The following AFF3 variants were observed in gnomAD, a reference collection of about 807,000 sequenced individuals.
AFF3 encodes AF4/FMR2 family member 3.
In AFF3, 32 loss-of-function variants were observed where a neutral mutation model predicts 129.7. The observed-to-expected ratio is 0.25, with a 90% CI of 0.19 to 0.33. The LOEUF is 0.33. Ranked by LOEUF, AFF3 falls within the 10% of genes least tolerant of loss-of-function variation. AFF3 has a pLI of 1.00. For missense variants in AFF3, 1,373 were observed against 1,592.0 expected, an observed-to-expected ratio of 0.86 and a Z score of 2.34; for synonymous variants, 644 against 635.4, an observed-to-expected ratio of 1.01 and a Z score of -0.20.
chr2:99,742,633 T>C (rs1355025538), intron 10 of AFF3, among the ~76,000 whole-genome samples: 1 of 152,108 alleles, frequency 6.6e-6, no homozygotes, highest in Non-Finnish European at 1.5e-5. Flanking sequence ...ATCAACAGAG[T>C]GGGATGAAAA....
At chr2:99,918,525 C>T (rs1227618156) in intron 7 of AFF3, among the ~76,000 whole-genome samples, 1 of 152,204 alleles carries the variant, frequency 6.6e-6, no homozygotes, top group Non-Finnish European at 1.5e-5. Context: ...GTTCTCCCGA[C>T]AGTGTTTGTA....
At chr2:100,092,712 T>C (rs1689960312) in intron 4 of AFF3, among the ~76,000 whole-genome samples, 1 of 151,928 alleles carries the variant, frequency 6.6e-6, no homozygotes, top group South Asian at 2.1e-4. Context: ...TTCCTTACAT[T>C]ATCGTACCTG....
chr2:99,667,635 C>T (rs1359861404), intron 12 of AFF3, among the ~76,000 whole-genome samples: 4 of 152,064 alleles, frequency 2.6e-5, no homozygotes, highest in Non-Finnish European at 5.9e-5. Context: ...AGAAAGAAGA[C>T]AAATGATGAG....
In AFF3 at chr2:100,008,750, A is replaced by T. The variant is rs988923108; in HGVS notation, c.174+62T>A. On this transcript the variant is annotated intron_variant, in intron 5 of 24. Transcript: ENST00000672756. ...TCGGCCAATTCTTTTAGTCAAGGCC[A>T]CCGTCACAGGGAGTGAGAGAAACAA... 1.1e-5 allele frequency: 18 copies of T among 1,571,638 alleles called. No homozygotes were observed. The African/African-American group carries it at 2.2e-4, about 19-fold the overall frequency.
intron 8 of AFF3, among the ~76,000 whole-genome samples, chr2:99,784,440 A>G (rs1412674940): frequency 6.6e-6 from 1 of 152,242 alleles, no homozygotes; most frequent in Non-Finnish European, 1.5e-5. Flanking sequence ...CAGCACAGAA[A>G]GGAGATGAAA....
chr2:100,096,069 A>C (rs1259725761), intron 4 of AFF3, among the ~76,000 whole-genome samples: 3 of 146,372 alleles, frequency 2.0e-5, no homozygotes, highest in Admixed American at 6.9e-5. Context: ...AGCTGACCCC[A>C]CCCCCAACAC....
intron 7 of AFF3, among the ~76,000 whole-genome samples, chr2:99,849,952 C>A (rs1690026950): frequency 6.6e-6 from 1 of 152,100 alleles, no homozygotes; most frequent in African/African-American, 2.4e-5. Context: ...GCTAAGGATT[C>A]ATAAGTGAAT....
At chr2:100,122,961 T>C (rs1265710221) in intron 2 of AFF3, among the ~76,000 whole-genome samples, 1 of 152,208 alleles carries the variant, frequency 6.6e-6, no homozygotes, top group Non-Finnish European at 1.5e-5. Flanking sequence ...AAAACGAATG[T>C]TTAATTTGGT....
intron 12 of AFF3, among the ~76,000 whole-genome samples, chr2:99,664,734 C>T (rs1686527475): frequency 6.6e-6 from 1 of 152,196 alleles, no homozygotes. Flanking sequence ...CAATTGAAGG[C>T]ATCACTATGC....
At chr2:99,821,649 T>A (rs1406243668) in intron 8 of AFF3, among the ~76,000 whole-genome samples, 1 of 152,216 alleles carries the variant, frequency 6.6e-6, no homozygotes, top group Non-Finnish European at 1.5e-5. Context: ...TCGCTCCTTG[T>A]CATTCTCAAC....
At chr2:100,052,863 G>A (rs1364563049) in intron 4 of AFF3, among the ~76,000 whole-genome samples, 1 of 152,204 alleles carries the variant, frequency 6.6e-6, no homozygotes, top group African/African-American at 2.4e-5. Context: ...GTACGAGCTT[G>A]AGCATGCGCA....
chr2:100,047,248 A>G (rs1335964799), intron 4 of AFF3, among the ~76,000 whole-genome samples: 2 of 152,208 alleles, frequency 1.3e-5, no homozygotes, highest in African/African-American at 2.4e-5. Context: ...TTCCTTTAAC[A>G]TGTGCCCAAT....
intron 8 of AFF3, among the ~76,000 whole-genome samples, chr2:99,804,637 T>C (rs1432071137): frequency 6.6e-6 from 1 of 152,192 alleles, no homozygotes; most frequent in Admixed American, 6.5e-5. Flanking sequence ...TCTGCACACA[T>C]GTTTATCGCA....
intron 7 of AFF3, among the ~76,000 whole-genome samples, chr2:99,976,025 G>A (rs778324171): frequency 1.3e-5 from 2 of 152,026 alleles, no homozygotes; most frequent in African/African-American, 4.8e-5. Context: ...CACCAGAAGA[G>A]CTCATTTTCC....
chr2:99,654,919 G>A (rs1317380931), intron 12 of AFF3, among the ~76,000 whole-genome samples: 2 of 152,116 alleles, frequency 1.3e-5, no homozygotes, highest in Non-Finnish European at 2.9e-5. Flanking sequence ...TGTTATTGAA[G>A]GGAAATCAAA....
chr2:100,133,008 G>A (rs1316278292), intron 1 of AFF3, among the ~76,000 whole-genome samples: 1 of 151,266 alleles, frequency 6.6e-6, no homozygotes, highest in Non-Finnish European at 1.5e-5. Context: ...GCTCACGGCA[G>A]CTTCGAACTC....
intron 13 of AFF3, among the ~76,000 whole-genome samples, chr2:99,638,595 A>G (rs1683895031): frequency 6.6e-6 from 1 of 152,188 alleles, no homozygotes; most frequent in Admixed American, 6.5e-5. Flanking sequence ...ACTTGCAGGA[A>G]GTCTTCTCCA....
At chr2:99,919,079 A>G (rs1695680295) in intron 7 of AFF3, among the ~76,000 whole-genome samples, 1 of 152,136 alleles carries the variant, frequency 6.6e-6, no homozygotes, top group African/African-American at 2.4e-5. Flanking sequence ...TTATGAATAT[A>G]GACAATAATC....
Position 99,740,642 on chromosome 2 carries a change from TCAC to T in AFF3, c.1039+3459_1039+3461del, listed in dbSNP as rs1377818940. On this transcript the variant is annotated intron_variant, in intron 10 of 24. Transcript: ENST00000672756. ...AGAAGTGTCTGTTCATGTCCTTTGC[TCAC>T]TTTTTGATGGGGTTGTTTGTTTTTT... 2.0e-5 allele frequency among the ~76,000 whole-genome samples: 3 copies of T among 152,020 alleles called. No individual in the cohort carries two copies. The East Asian group carries it at 5.8e-4, about 29-fold the overall frequency.
Sources: allele counts gnomAD v4.1 joint callset (sites outside exome capture counted in the v4.1 genomes callset), GRCh38; gene constraint gnomAD v4.1.1; transcripts MANE v1.5; gene names NCBI Gene and HGNC (gene_info 2026-07-23, HGNC 2026-07-21).